The following ZNF221 variants were observed in gnomAD, a reference collection of about 807,000 sequenced individuals.
ZNF221 encodes the protein zinc finger protein 221.
In ZNF221, 10 loss-of-function variants were observed where a neutral mutation model predicts 12.6. The observed-to-expected ratio is 0.79, with a 90% CI of 0.49 to 1.34. The LOEUF (loss-of-function observed/expected upper bound fraction) is 1.34, where lower values mean the gene tolerates loss of function less well. Among genes scored for constraint, ZNF221 ranks in the 40% most tolerant of loss-of-function variants. ZNF221 has a pLI of 0.00. For missense variants in ZNF221, 661 were observed against 721.4 expected (o/e 0.92, Z 0.96); for synonymous variants, 232 against 244.0 (o/e 0.95, Z 0.46).
At chr19:43,976,763 A>C in the ZNF221 span, 4 of 152,216 alleles carry the variant, frequency 2.6e-5, no homozygotes, top group Non-Finnish European at 5.9e-5. Flanking sequence ...TTCATCATAC[A>C]TATTCATTAT....
At chr19:43,971,729 C>T (rs773716475), downstream of ZNF221, among the ~76,000 whole-genome samples, 6 of 151,822 alleles carry the variant, frequency 4.0e-5, no homozygotes, top group African/African-American at 1.2e-4. Flanking sequence ...AACATATATA[C>T]GCACCCAATA....
chr19:43,959,263 T>A (rs998961959), intron 1 of ZNF221, among the ~76,000 whole-genome samples: 2 of 152,226 alleles, frequency 1.3e-5, no homozygotes, highest in Non-Finnish European at 2.9e-5. Flanking sequence ...ACCCTTCCCA[T>A]ACACTGATTG....
chr19:43,969,064 A>C (rs1020826359), downstream of ZNF221, among the ~76,000 whole-genome samples: 4 of 152,216 alleles, frequency 2.6e-5, no homozygotes, highest in Non-Finnish European at 5.9e-5. Context: ...GGCTGAATCC[A>C]GGGAGCCAGG....
At chr19:43,977,711 G>A in the ZNF221 span, among the ~76,000 whole-genome samples, 1 of 152,324 alleles carries the variant, frequency 6.6e-6, no homozygotes. Context: ...ACACCATGGT[G>A]TAACTTAACT....
chr19:43,954,280 G>A lies in ZNF221; in HGVS notation c.-3+2880G>A, dbSNP rs187301946. ...AGCTTCACCATTTCAGGCATCTGGT[G>A]TAATTGAGCTAAGAGACAGTGTCAT... On this transcript the variant is annotated intron_variant, in intron 1 of 4. Coordinates refer to ENST00000587682, the MANE Select transcript of ZNF221 (RefSeq NM_001297588.2). Among the ~76,000 whole-genome samples, 234 of 152,280 alleles carry A rather than the reference G, an allele frequency of 1.5e-3. 1 individual carries two copies. The highest frequency in any genetic ancestry group is 6.8e-3 in the Middle Eastern group (2 of 294).
intron 1 of ZNF221, among the ~76,000 whole-genome samples, chr19:43,954,335 T>C (rs141485432): frequency 1.8e-3 from 270 of 152,332 alleles, no homozygotes; most frequent in African/African-American, 6.2e-3. Context: ...ACTGGAGTTC[T>C]CTCAATTCAT....
chr19:43,956,261 A>G (rs1017677831), intron 1 of ZNF221, among the ~76,000 whole-genome samples: 2 of 152,232 alleles, frequency 1.3e-5, no homozygotes, highest in Admixed American at 6.5e-5. Context: ...AGCATGTCCA[A>G]CTAATATTGC....
At chr19:43,976,341 C>G in the ZNF221 span, among the ~76,000 whole-genome samples, 1 of 151,956 alleles carries the variant, frequency 6.6e-6, no homozygotes, top group African/African-American at 2.4e-5. Context: ...GGTTCGAGAT[C>G]AGCCTGGTCA....
intron 4 of ZNF221, 107 bp from the exon 5 acceptor site, chr19:43,965,697 T>C: frequency 9.5e-7 from 1 of 1,051,222 alleles, no homozygotes; most frequent in East Asian, 2.4e-5. Flanking sequence ...ATGAACTTAA[T>C]GTTTCCTGTT....
downstream of ZNF221, among the ~76,000 whole-genome samples, chr19:43,968,616 G>T (rs1171558390): frequency 6.6e-6 from 1 of 152,230 alleles, no homozygotes; most frequent in Non-Finnish European, 1.5e-5. Flanking sequence ...AAGCAGCTAT[G>T]GTTCATGGTA....
At chr19:43,967,774 G>A (rs149961697), downstream of ZNF221, 150 of 166,864 alleles carry the variant, frequency 9.0e-4, 1 homozygote, top group African/African-American at 3.3e-3. Flanking sequence ...CACTGCGCCC[G>A]GCCATAGATC....
chr19:43,967,559 A>G lies in ZNF221; in HGVS notation c.*203A>G, dbSNP rs1043181482. ...AGTGGCGCTATCTCAGCTCACTGCA[A>G]GCTCCGCCTCCCAGGTTCACGCCAT... is the stretch of plus-strand genomic sequence containing the variant. On this transcript the variant is annotated 3_prime_UTR_variant, in exon 5 of 5. Transcript: ENST00000587682. 3 of 505,834 alleles carry G rather than the reference A, an allele frequency of 5.9e-6. No homozygotes were observed. The highest frequency in any genetic ancestry group is 1.0e-5 in the Non-Finnish European group (3 of 288,580). 31.3% of individuals were successfully genotyped at this position (505,834 alleles called of 1,614,324 possible).
At chr19:43,973,169 G>A in the ZNF221 span, among the ~76,000 whole-genome samples, 8 of 152,290 alleles carry the variant, frequency 5.3e-5, 1 homozygote, top group South Asian at 1.7e-3. Flanking sequence ...CTCAATAGAT[G>A]CAGAAAAGGC....
At chr19:43,978,088 G>A in the ZNF221 span, among the ~76,000 whole-genome samples, 2 of 152,160 alleles carry the variant, frequency 1.3e-5, no homozygotes, top group Non-Finnish European at 2.9e-5. Flanking sequence ...GTCTACAATG[G>A]AAGCTCATTA....
intron 1 of ZNF221, among the ~76,000 whole-genome samples, chr19:43,955,117 T>C (rs1431383062): frequency 1.3e-5 from 2 of 151,824 alleles, no homozygotes; most frequent in African/African-American, 4.8e-5. Flanking sequence ...CTTTCTTCTT[T>C]TTTTTTAAAA....
At chr19:43,972,948 A>G in the ZNF221 span, among the ~76,000 whole-genome samples, 1 of 152,122 alleles carries the variant, frequency 6.6e-6, no homozygotes, top group Non-Finnish European at 1.5e-5. Context: ...AGATAAAACG[A>G]AAAAAGAAAA....
intron 1 of ZNF221, among the ~76,000 whole-genome samples, chr19:43,953,263 T>G (rs998339217): frequency 2.0e-5 from 3 of 151,968 alleles, no homozygotes; most frequent in Non-Finnish European, 4.4e-5. Flanking sequence ...TAAGCTTTTT[T>G]TTTTTTTTTA....
chr19:43,980,360 G>A, the ZNF221 span, among the ~76,000 whole-genome samples: 1 of 152,124 alleles, frequency 6.6e-6, no homozygotes, highest in Non-Finnish European at 1.5e-5. Context: ...ATCCACAATT[G>A]CTTCAATAAA....
chr19:43,955,968 T>C, intron 1 of ZNF221, among the ~76,000 whole-genome samples: 1 of 152,222 alleles, frequency 6.6e-6, no homozygotes, highest in East Asian at 1.9e-4. Context: ...TTCCTAACAT[T>C]ACCTAAGAGA....
Sources: allele counts gnomAD v4.1 joint callset (sites outside exome capture counted in the v4.1 genomes callset), GRCh38; gene constraint gnomAD v4.1.1; transcripts MANE v1.5; gene names NCBI Gene and HGNC (gene_info 2026-07-23, HGNC 2026-07-21).